RSPO3: variants seen among roughly 807,000 people sequenced by gnomAD.
The protein encoded by RSPO3 is R-spondin-3.
Under a neutral mutation model 36.5 loss-of-function variants are expected in RSPO3, and 17 were observed. The observed-to-expected ratio is 0.47, with a 90% CI of 0.32 to 0.70. RSPO3 has a LOEUF of 0.70. Among genes scored for constraint, RSPO3 ranks in the 30% least tolerant of loss-of-function variants. RSPO3 has a pLI of 0.04. For synonymous variants in RSPO3, 108 were observed against 107.0 expected (o/e 1.01, Z -0.06); for missense variants, 294 against 322.5 (o/e 0.91, Z 0.68).
chr6:127,152,923 T>C (rs563765820), intron 3 of RSPO3, among the ~76,000 whole-genome samples: 12 of 152,192 alleles, frequency 7.9e-5, no homozygotes, highest in Admixed American at 7.9e-4. Context: ...AAGGACTGAG[T>C]AGCAAGGGAC....
intron 4 of RSPO3, among the ~76,000 whole-genome samples, chr6:127,189,828 A>T (rs1463489398): frequency 6.6e-6 from 1 of 152,204 alleles, no homozygotes; most frequent in Non-Finnish European, 1.5e-5. Flanking sequence ...CCTACCGCAT[A>T]GGTAAATCAG....
chr6:127,154,781 G>T (rs1320144500), intron 3 of RSPO3, among the ~76,000 whole-genome samples: 1 of 152,102 alleles, frequency 6.6e-6, no homozygotes, highest in Non-Finnish European at 1.5e-5. Flanking sequence ...TCTGGTGGGG[G>T]CTAATGGAGA....
At chr6:127,188,529 A>G (rs1248386561) in intron 4 of RSPO3, among the ~76,000 whole-genome samples, 1 of 151,948 alleles carries the variant, frequency 6.6e-6, no homozygotes, top group Non-Finnish European at 1.5e-5. Flanking sequence ...ATGTAACAGT[A>G]GTAGTCTAAT....
At chr6:127,142,794 T>TTTTG (rs534279203) in intron 1 of RSPO3, among the ~76,000 whole-genome samples, 24 of 152,162 alleles carry the variant, frequency 1.6e-4, no homozygotes, top group East Asian at 3.9e-4. Flanking sequence ...TGGTTGTTTT[T>TTTTG]TTTGTTTGTT....
chr6:127,156,293 A>G (rs900568760), intron 4 of RSPO3, among the ~76,000 whole-genome samples: 1 of 152,148 alleles, frequency 6.6e-6, no homozygotes, highest in Admixed American at 6.6e-5. Context: ...TAACTATTAG[A>G]ATTTGCTGTG....
At chr6:127,162,286 A>AT (rs1774723829) in intron 4 of RSPO3, among the ~76,000 whole-genome samples, 1 of 152,158 alleles carries the variant, frequency 6.6e-6, no homozygotes, top group Non-Finnish European at 1.5e-5. Flanking sequence ...GGTGGCATGC[A>AT]TATACAGGGT....
chr6:127,148,452 T>C (rs2114580782), intron 1 of RSPO3, among the ~76,000 whole-genome samples, 196 bp from the exon 2 acceptor site: 1 of 151,962 alleles, frequency 6.6e-6, no homozygotes, highest in South Asian at 2.1e-4. Flanking sequence ...TTTAAGAACT[T>C]TGAAATTAAA....
At chr6:127,183,750 CT>C (rs1243389728) in intron 4 of RSPO3, among the ~76,000 whole-genome samples, 1 of 151,982 alleles carries the variant, frequency 6.6e-6, no homozygotes, top group Non-Finnish European at 1.5e-5. Flanking sequence ...CATGTCTCCC[CT>C]TGTGCACAAA....
chr6:127,119,251 G>A lies in RSPO3; in HGVS notation c.59G>A (p.Gly20Asp). ...FIILNFMEYIGSQNASRGRRQ... is the reference protein window; with the variant it reads ...FIILNFMEYIDSQNASRGRRQ... ...ATTTTGAACTTTATGGAATACATCG[G>A]CAGCCAAAACGCCTCCCGGGGAAGG... Residue 20 changes from glycine (G) to aspartate (D), a missense_variant, in exon 1 of 5, where the codon GGC becomes GAC. Physicochemically the swap from Gly to Asp is moderately conservative, Grantham distance 94. This residue lies in a region of RSPO3 where 61 missense variants were observed against 51.3 expected (regional missense o/e 1.19). Transcript: ENST00000356698. 1 of 1,613,194 alleles carries A rather than the reference G, an allele frequency of 6.2e-7. No individual in the cohort carries two copies. Among genetic ancestry groups the A allele is most frequent in the South Asian group, 1.1e-5 (1 of 90,806 alleles).
chr6:127,179,227 A>T (rs1775131597), intron 4 of RSPO3, among the ~76,000 whole-genome samples: 1 of 151,874 alleles, frequency 6.6e-6, no homozygotes, highest in African/African-American at 2.4e-5. Context: ...TTTTTAGGAA[A>T]AGGAAATTTT....
At chr6:127,159,147 G>T (rs963012596) in intron 4 of RSPO3, among the ~76,000 whole-genome samples, 1 of 152,080 alleles carries the variant, frequency 6.6e-6, no homozygotes, top group Non-Finnish European at 1.5e-5. Flanking sequence ...ACCTGCATTT[G>T]ATGCAAAAGG....
chr6:127,179,158 G>A (rs1226580434), intron 4 of RSPO3, among the ~76,000 whole-genome samples: 1 of 151,794 alleles, frequency 6.6e-6, no homozygotes, highest in Non-Finnish European at 1.5e-5. Flanking sequence ...ACACAGTGGA[G>A]AATACCCAAG....
At chr6:127,173,532 A>G (rs1402068104) in intron 4 of RSPO3, among the ~76,000 whole-genome samples, 2 of 151,892 alleles carry the variant, frequency 1.3e-5, no homozygotes, top group Non-Finnish European at 2.9e-5. Flanking sequence ...GAAGACATAA[A>G]GTAAAATTTA....
intron 1 of RSPO3, among the ~76,000 whole-genome samples, chr6:127,120,608 C>T (rs1773823933): frequency 1.3e-5 from 2 of 152,250 alleles, no homozygotes; most frequent in African/African-American, 4.8e-5. Context: ...GTAATCGCTT[C>T]TCGGCCGCTG....
intron 1 of RSPO3, among the ~76,000 whole-genome samples, chr6:127,139,781 C>T (rs1335751332): frequency 6.6e-6 from 1 of 152,064 alleles, no homozygotes; most frequent in African/African-American, 2.4e-5. Flanking sequence ...TCCACCCCCT[C>T]TTGTCCTCTA....
Position 127,198,548 on chromosome 6 carries a change from A to T in RSPO3, c.*2541A>T, listed in dbSNP as rs562556475. On this transcript the variant is annotated 3_prime_UTR_variant, in exon 5 of 5. Transcript: ENST00000356698. The stretch of plus-strand genomic sequence containing the variant: ...TGTTGATAGTTTACCCCATCAACAG[A>T]TGGTCGGTAAATTATTGATTCGAAG... Among the ~76,000 whole-genome samples the T allele has an allele frequency of 6.6e-6, 1 of 152,290 alleles. No individual in the cohort carries two copies. Among genetic ancestry groups the T allele is most frequent in the South Asian group, 2.1e-4 (1 of 4,832 alleles).
intron 4 of RSPO3, among the ~76,000 whole-genome samples, chr6:127,179,677 G>C (rs1250171975): frequency 6.6e-6 from 1 of 151,848 alleles, no homozygotes; most frequent in Non-Finnish European, 1.5e-5. Context: ...TTCTGTAGGT[G>C]AGAAGGTTGA....
intron 4 of RSPO3, among the ~76,000 whole-genome samples, chr6:127,181,516 C>T (rs1321424286): frequency 2.6e-5 from 4 of 151,792 alleles, no homozygotes; most frequent in African/African-American, 9.7e-5. Flanking sequence ...CACACCCAGA[C>T]CCATTCATAC....
At chr6:127,122,537 C>A (rs1655135746) in intron 1 of RSPO3, among the ~76,000 whole-genome samples, 1 of 152,164 alleles carries the variant, frequency 6.6e-6, no homozygotes. Flanking sequence ...GGCCTGAGAA[C>A]TAGAGGCTCA....
Sources: allele counts gnomAD v4.1 joint callset (sites outside exome capture counted in the v4.1 genomes callset), GRCh38; gene constraint gnomAD v4.1.1; regional missense constraint gnomAD v4.1.1; transcripts MANE v1.5; gene names NCBI Gene and HGNC (gene_info 2026-07-23, HGNC 2026-07-21).